The following SIPA1L1 variants were observed in gnomAD, a reference collection of about 807,000 sequenced individuals.
SIPA1L1 encodes the protein signal-induced proliferation-associated 1-like protein 1.
SIPA1L1 carries 26 observed loss-of-function variants against 162.7 expected under a neutral mutation model. The observed-to-expected ratio is 0.16, with a 90% CI of 0.12 to 0.22. The LOEUF is 0.22. Ranked by LOEUF, SIPA1L1 falls within the 10% of genes least tolerant of loss-of-function variation. The probability of loss-of-function intolerance (pLI) is 1.00; values close to 1 mark genes in which losing one functional copy is unlikely to be tolerated. For synonymous variants in SIPA1L1, 829 were observed against 837.4 expected, an observed-to-expected ratio of 0.99 and a Z score of 0.17; for missense variants, 1,874 against 2,241.0, an observed-to-expected ratio of 0.84 and a Z score of 3.31.
At position 71,387,248 on chromosome 14, in the gene SIPA1L1, C is replaced by CAAAA. The variant is rs398025583; in HGVS notation, c.-465+66092_-465+66095dup. 1.3e-3 allele frequency among the ~76,000 whole-genome samples: 72 copies of CAAAA among 53,846 alleles called. 1 individual carries two copies. The highest frequency in any genetic ancestry group is 2.1e-3 in the African/African-American group (23 of 10,946). The allele number at this position is 53,846 out of a possible 152,430, so 35.3% of individuals were successfully genotyped here. Reference sequence around the variant, plus strand: ...GGGCAACAAGAGCGAAACTCTGTCTCAAAAAAAAAAAAAAAAAAAAAAAAA... The same window carrying CAAAA: ...GGGCAACAAGAGCGAAACTCTGTCTCAAAAAAAAAAAAAAAAAAAAAAAAAAAAA... On this transcript the variant is annotated intron_variant, in intron 2 of 23. Transcript: ENST00000381232.
intron 4 of SIPA1L1, among the ~76,000 whole-genome samples, chr14:71,530,852 C>T (rs1246066185): frequency 6.6e-6 from 1 of 152,050 alleles, no homozygotes; most frequent in East Asian, 1.9e-4. Context: ...AATGTAGATG[C>T]TATGTGCATT....
At position 71,685,641 on chromosome 14, in the gene SIPA1L1, C is replaced by G. The variant is rs1596971106; in HGVS notation, c.3374+10C>G. 4 of 1,613,344 alleles carry G rather than the reference C, an allele frequency of 2.5e-6. No homozygotes were observed. Among genetic ancestry groups the G allele is most frequent in the Non-Finnish European group, 3.4e-6 (4 of 1,179,490 alleles). On this transcript the variant is annotated intron_variant, in intron 13 of 23. Transcript: ENST00000381232. The stretch of plus-strand genomic sequence containing the variant: ...GCCCACTAGAGAGGCGGTAAGTGTG[C>G]CTTCAAAGGTTTGCTCTATCTCTCT...
chr14:71,710,444 A>G (rs1256803124), intron 17 of SIPA1L1, among the ~76,000 whole-genome samples: 1 of 152,206 alleles, frequency 6.6e-6, no homozygotes, highest in Non-Finnish European at 1.5e-5. Flanking sequence ...GATTGTTGTC[A>G]GTCATTGATC....
intron 2 of SIPA1L1, among the ~76,000 whole-genome samples, chr14:71,430,328 T>C (rs2140936971): frequency 6.6e-6 from 1 of 152,372 alleles, no homozygotes; most frequent in East Asian, 1.9e-4. Flanking sequence ...TAAAAAACTG[T>C]AATACTTATT....
chr14:71,509,277 T>TG (rs1246729739), intron 2 of SIPA1L1, among the ~76,000 whole-genome samples: 1 of 152,116 alleles, frequency 6.6e-6, no homozygotes, highest in Non-Finnish European at 1.5e-5. Flanking sequence ...TGAGATAGGA[T>TG]GGAAAAAAGG....
intron 2 of SIPA1L1, among the ~76,000 whole-genome samples, chr14:71,328,345 G>A (rs2034077948): frequency 6.6e-6 from 1 of 152,136 alleles, no homozygotes; most frequent in African/African-American, 2.4e-5. Flanking sequence ...GTGTGTTTGG[G>A]GAAGCAGTGA....
chr14:71,707,356 A>C (rs2082527316), intron 16 of SIPA1L1, among the ~76,000 whole-genome samples: 1 of 152,184 alleles, frequency 6.6e-6, no homozygotes, highest in Non-Finnish European at 1.5e-5. Flanking sequence ...CACATACCAT[A>C]GTATTTACCC....
chr14:71,728,981 T>G (rs2084496277), intron 19 of SIPA1L1, among the ~76,000 whole-genome samples: 1 of 152,208 alleles, frequency 6.6e-6, no homozygotes, highest in African/African-American at 2.4e-5. Context: ...CTGGAACTAT[T>G]TGTCATGTAT....
At chr14:71,329,029 T>C (rs1371337931) in intron 2 of SIPA1L1, among the ~76,000 whole-genome samples, 1 of 152,234 alleles carries the variant, frequency 6.6e-6, no homozygotes, top group African/African-American at 2.4e-5. Context: ...TCATGTAGTA[T>C]TTGTCTGTGT....
chr14:71,633,548 G>T (rs1027639699), intron 7 of SIPA1L1, among the ~76,000 whole-genome samples: 1 of 152,144 alleles, frequency 6.6e-6, no homozygotes, highest in Non-Finnish European at 1.5e-5. Context: ...AAATGGAAAT[G>T]TTAGAACTGA....
intron 2 of SIPA1L1, among the ~76,000 whole-genome samples, chr14:71,375,189 C>T (rs2141079006): frequency 6.6e-6 from 1 of 152,262 alleles, no homozygotes; most frequent in Admixed American, 6.5e-5. Flanking sequence ...CTCTGGGGAG[C>T]TGCCATTTTG....
intron 2 of SIPA1L1, among the ~76,000 whole-genome samples, chr14:71,510,335 C>T (rs372485232): frequency 2.4e-4 from 37 of 151,588 alleles, no homozygotes; most frequent in Admixed American, 3.9e-4. Flanking sequence ...TACAGGTGCC[C>T]GCCACCACGC....
At chr14:71,583,179 C>T (rs1018288987) in intron 4 of SIPA1L1, among the ~76,000 whole-genome samples, 4 of 152,140 alleles carry the variant, frequency 2.6e-5, no homozygotes, top group Non-Finnish European at 4.4e-5. Flanking sequence ...GTTTAAGAGC[C>T]TGGGTATTAC....
intron 7 of SIPA1L1, 64 bp from the exon 8 acceptor site, chr14:71,650,271 G>A (rs775037257): frequency 5.2e-6 from 8 of 1,549,678 alleles, no homozygotes; most frequent in Non-Finnish European, 5.3e-6. Flanking sequence ...GGACCTTTTA[G>A]CATTTGACTG....
chr14:71,420,176 T>A (rs1377334161), intron 2 of SIPA1L1, among the ~76,000 whole-genome samples: 1 of 152,210 alleles, frequency 6.6e-6, no homozygotes. Flanking sequence ...TGCTTAGTAT[T>A]AGCCAGGATA....
chr14:71,549,755 C>T (rs1030532984), intron 4 of SIPA1L1, among the ~76,000 whole-genome samples: 2 of 152,230 alleles, frequency 1.3e-5, no homozygotes, highest in Non-Finnish European at 2.9e-5. Flanking sequence ...TCAACTGAAA[C>T]TTGCCCTCAG....
At chr14:71,658,307 C>G (rs2043234136) in intron 8 of SIPA1L1, 26 bp from the exon 9 acceptor site, 1 of 1,103,914 alleles carries the variant, frequency 9.1e-7, no homozygotes, top group Non-Finnish European at 1.4e-6. Context: ...ATAGTCATCT[C>G]ATCATTATAT....
intron 10 of SIPA1L1, among the ~76,000 whole-genome samples, chr14:71,663,903 A>G (rs920957643): frequency 5.3e-5 from 8 of 152,238 alleles, no homozygotes; most frequent in African/African-American, 1.7e-4. Context: ...CCAAGAAAAC[A>G]TTAGTTTGTA....
intron 5 of SIPA1L1, among the ~76,000 whole-genome samples, chr14:71,609,419 C>T (rs1366550443): frequency 6.6e-6 from 1 of 151,496 alleles, no homozygotes; most frequent in Non-Finnish European, 1.5e-5. Context: ...CAGGTGTGCA[C>T]CACTGTGCCC....
Sources: gnomAD v4.1 joint callset for allele counts (sites outside exome capture counted in the v4.1 genomes callset) on GRCh38, gnomAD v4.1.1 for gene constraint, MANE v1.5 for transcripts, NCBI Gene and HGNC (gene_info 2026-07-23, HGNC 2026-07-21) for gene names.